The following GJC2 variants were observed in gnomAD, a reference collection of about 807,000 sequenced individuals.
GJC2 encodes the protein gap junction protein gamma 2, also known as gap junction gamma-2 protein.
For missense variants in GJC2, 647 were observed against 648.9 expected, an observed-to-expected ratio of 1.00 and a Z score of 0.03; for synonymous variants, 336 against 307.5, an observed-to-expected ratio of 1.09 and a Z score of -0.97.
intron 1 of GJC2, among the ~76,000 whole-genome samples, chr1:228,154,984 T>G (rs1453762496): frequency 6.6e-6 from 1 of 152,220 alleles, no homozygotes; most frequent in Non-Finnish European, 1.5e-5. Context: ...CATTGAGGCC[T>G]TTGCAGGCGC....
At position 228,158,352 on chromosome 1, in the gene GJC2, C is replaced by T. The variant is rs116557768; in HGVS notation, c.594C>T (p.His198=). Residue 198 remains histidine (H), a synonymous_variant, in exon 2 of 2, where the codon CAC becomes CAT. Transcript: ENST00000366714. The surrounding 1 kb of genome is among the most constrained non-coding windows in gnomAD (Gnocchi z 8.3). ...AAGTPGPTGQ[H]DGRRRIQREG... The stretch of plus-strand genomic sequence containing the variant: ...GGACCCCGGGCCCGACCGGGCAACA[C>T]GATGGGCGGAGGCGCATCCAGCGGG... The T allele has an allele frequency of 0.038, 60,193 of 1,588,150 alleles. 1,331 individuals carry two copies. The highest frequency in any genetic ancestry group is 0.044 in the Non-Finnish European group (51,206 of 1,171,398).
intron 1 of GJC2, 62 bp from the exon 2 acceptor site, chr1:228,157,678 G>A: frequency 2.1e-6 from 2 of 953,718 alleles, no homozygotes; most frequent in South Asian, 3.3e-5. Flanking sequence ...CTGGAGCCCC[G>A]GCTCTGAGCG....
Position 228,158,693 on chromosome 1 carries a change from C to T in GJC2, c.935C>T (p.Ala312Val), listed in dbSNP as rs1308645569. 1 of 1,065,542 alleles carries T rather than the reference C, an allele frequency of 9.4e-7. No individual in the cohort carries two copies. The highest frequency in any genetic ancestry group is 1.1e-6 in the Non-Finnish European group (1 of 881,214). The allele number at this position is 1,065,542 out of a possible 1,614,324, so 66.0% of individuals were successfully genotyped here. A position where few individuals can be genotyped will look rare whatever the true frequency, so the allele number is the denominator to read the frequency against. ...RGPPASAPAP[A>V]PRPPPCAFPA... ...CCCCCGGCCTCCGCCCCCGCCCCCG[C>T]GCCGCGGCCCCCGCCCTGCGCCTTC... The change falls in exon 2 of 2, where the codon GCG becomes GTG. Residue 312 changes from alanine (A) to valine (V), a missense_variant. Physicochemically the swap from Ala to Val is moderately conservative, Grantham distance 64. Coordinates refer to ENST00000366714, the MANE Select transcript of GJC2 (RefSeq NM_020435.4). This position sits in a 1 kb window ranked among gnomAD's most constrained non-coding sequence, Gnocchi z 8.3.
At chr1:228,155,191 A>T (rs141497201) in intron 1 of GJC2, among the ~76,000 whole-genome samples, 58 of 152,232 alleles carry the variant, frequency 3.8e-4, no homozygotes, top group Admixed American at 9.8e-4. Flanking sequence ...GCGCCTGTGC[A>T]TGTGTGTGTG....
Position 228,158,111 on chromosome 1 carries a change from C to CG in GJC2, c.357dup (p.Pro120AlafsTer18). ...CGGCGCCGCGCCCTCCGCCGCCGCC[C>CG]GGGGCCACGCCGCGCGCCCCGAGCG... On this transcript the variant is annotated frameshift_variant, in exon 2 of 2. Transcript: ENST00000366714. LOFTEE classifies it low-confidence loss of function (END_TRUNC). The surrounding 1 kb of genome is among the most constrained non-coding windows in gnomAD (Gnocchi z 8.3). The CG allele has an allele frequency of 2.3e-6, 3 of 1,284,168 alleles. No homozygotes were observed. The highest frequency in any genetic ancestry group is 3.0e-6 in the Non-Finnish European group (3 of 1,012,044). 79.5% of individuals were successfully genotyped at this position (1,284,168 alleles called of 1,614,324 possible). A position where few individuals can be genotyped will look rare whatever the true frequency, so the allele number is the denominator to read the frequency against.
chr1:228,155,826 G>A (rs962080661), intron 1 of GJC2, among the ~76,000 whole-genome samples: 21 of 152,222 alleles, frequency 1.4e-4, no homozygotes, highest in African/African-American at 3.6e-4. Context: ...AAGCCACTCC[G>A]CAGTCAGCCA....
At position 228,157,740 on chromosome 1, in the gene GJC2, G is replaced by GGGGGGGGGGGGGGCCC. The variant is rs1558119353; in HGVS notation, c.-19_-18insGGGGGGGGGGGGGCCC. The GGGGGGGGGGGGGGCCC allele has an allele frequency of 4.5e-6, 3 of 662,262 alleles. No individual in the cohort carries two copies. Among genetic ancestry groups the GGGGGGGGGGGGGGCCC allele is most frequent in the South Asian group, 1.7e-5 (1 of 57,382 alleles). 41.0% of individuals were successfully genotyped at this position (662,262 alleles called of 1,614,324 possible). On this transcript the variant is annotated splice_region_variant and 5_prime_UTR_variant, in exon 2 of 2. Coordinates refer to ENST00000366714, the MANE Select transcript of GJC2 (RefSeq NM_020435.4). ...GGCTGACCCCTACCCCGCCCCACAG[G>GGGGGGGGGGGGGGCCC]ACCCGCCCGCCCGCCCCTATGACCA...
chr1:228,157,847 T>C lies in GJC2; in HGVS notation c.89T>C (p.Val30Ala). ...STFVGKVWLT[V>A]LVVFRIVLTA... ...TTCGTGGGCAAGGTGTGGCTCACGGTGCTGGTGGTCTTCCGCATCGTGCTG... is the reference window on the plus strand; with the variant it reads ...TTCGTGGGCAAGGTGTGGCTCACGGCGCTGGTGGTCTTCCGCATCGTGCTG... Residue 30 changes from valine to alanine, a missense_variant, in exon 2 of 2, where the codon GTG (valine) becomes GCG (alanine). Coordinates refer to ENST00000366714, the MANE Select transcript of GJC2 (RefSeq NM_020435.4). 2 of 1,606,982 alleles carry C rather than the reference T, an allele frequency of 1.2e-6. No homozygotes were observed. Among genetic ancestry groups the C allele is most frequent in the Non-Finnish European group, 1.7e-6 (2 of 1,177,416 alleles).
rs746638420 is a variant in GJC2, at chr1:228,150,249, G to A, written c.-20+242G>A. ...TCCTTCAGGCCCAGCTGCCTTCACC[G>A]CAGGGTGGGCACCAACCGGTGGGGT... On this transcript the variant is annotated intron_variant, in intron 1 of 1. Transcript: ENST00000366714. This position sits in a 1 kb window ranked among gnomAD's most constrained non-coding sequence, Gnocchi z 4.6. Among the ~76,000 whole-genome samples, 3 of 152,152 alleles carry A rather than the reference G, an allele frequency of 2.0e-5. No homozygotes were observed. Among genetic ancestry groups the A allele is most frequent in the Non-Finnish European group, 4.4e-5 (3 of 67,992 alleles).
Position 228,159,174 on chromosome 1 carries a change from T to G in GJC2, c.*96T>G. 1 of 1,421,794 alleles carries G rather than the reference T, an allele frequency of 7.0e-7. No homozygotes were observed. The highest frequency in any genetic ancestry group is 9.7e-7 in the Non-Finnish European group (1 of 1,029,400). The allele number at this position is 1,421,794 out of a possible 1,614,324, so 88.1% of individuals were successfully genotyped here. A position where few individuals can be genotyped will look rare whatever the true frequency, so the allele number is the denominator to read the frequency against. ...TCTCCTCAGCCTTCTCCTTAGCCGG[T>G]GGCCTCAGGCAGACTCTGCCCAGAG... On this transcript the variant is annotated 3_prime_UTR_variant, in exon 2 of 2. Coordinates refer to ENST00000366714, the MANE Select transcript of GJC2 (RefSeq NM_020435.4). The surrounding 1 kb of genome is among the most constrained non-coding windows in gnomAD (Gnocchi z 4.0).
intron 1 of GJC2, among the ~76,000 whole-genome samples, chr1:228,154,467 G>A (rs1233440056): frequency 2.0e-5 from 3 of 152,156 alleles, no homozygotes; most frequent in Non-Finnish European, 4.4e-5. Context: ...TGACACCTTG[G>A]CCGCCTGGCC....
At position 228,152,283 on chromosome 1, in the gene GJC2, C is replaced by G. The variant is rs2034626072; in HGVS notation, c.-20+2276C>G. On this transcript the variant is annotated intron_variant, in intron 1 of 1. Coordinates refer to ENST00000366714, the MANE Select transcript of GJC2 (RefSeq NM_020435.4). The surrounding 1 kb of genome is among the most constrained non-coding windows in gnomAD (Gnocchi z 7.3). ...TGGCTGCCCTAAACTGCAGAAAACA[C>G]CCACCCTTCGCGGCCTGCCCTGGGA... Among the ~76,000 whole-genome samples the G allele has an allele frequency of 6.6e-6, 1 of 152,100 alleles. No homozygotes were observed.
chr1:228,157,556 T>C (rs978311189), intron 1 of GJC2, among the ~76,000 whole-genome samples, 184 bp from the exon 2 acceptor site: 2 of 152,316 alleles, frequency 1.3e-5, no homozygotes, highest in African/African-American at 4.8e-5. Context: ...GCTGGGGCCC[T>C]GCATCTGCAC....
intron 1 of GJC2, among the ~76,000 whole-genome samples, chr1:228,156,185 C>T (rs890396128): frequency 6.6e-6 from 1 of 152,104 alleles, no homozygotes; most frequent in South Asian, 2.1e-4. Context: ...CATGTGTGTG[C>T]ATATATGTGT....
chr1:228,157,695 G>T (rs2034702554), intron 1 of GJC2, 45 bp from the exon 2 acceptor site: 3 of 1,173,818 alleles, frequency 2.6e-6, no homozygotes, highest in South Asian at 2.9e-5. Flanking sequence ...AGCGCCGCGG[G>T]CTCCTAAGTG....
chr1:228,150,274 T>G lies in GJC2; in HGVS notation c.-20+267T>G, dbSNP rs991363021. On this transcript the variant is annotated intron_variant, in intron 1 of 1. Transcript: ENST00000366714. The surrounding 1 kb of genome is among the most constrained non-coding windows in gnomAD (Gnocchi z 4.6). ...GCAGGGTGGGCACCAACCGGTGGGG[T>G]CTGCTCTGGGACAGCTGGCAAGCGG... 4.0e-5 allele frequency among the ~76,000 whole-genome samples: 6 copies of G among 151,816 alleles called. No homozygotes were observed. The highest frequency in any genetic ancestry group is 1.5e-4 in the African/African-American group (6 of 41,290).
At position 228,157,752 on chromosome 1, in the gene GJC2, C is replaced by CCCCCCCCT; in HGVS notation, c.-7_-6insCCCCCCCT. On this transcript the variant is annotated 5_prime_UTR_variant, in exon 2 of 2. Coordinates refer to ENST00000366714, the MANE Select transcript of GJC2 (RefSeq NM_020435.4). ...CCCCGCCCCACAGGACCCGCCCGCC[C>CCCCCCCCT]GCCCCTATGACCAACATGAGCTGGA... is the stretch of plus-strand genomic sequence containing the variant. 1 of 441,386 alleles carries CCCCCCCCT rather than the reference C, an allele frequency of 2.3e-6. No individual in the cohort carries two copies. Among genetic ancestry groups the CCCCCCCCT allele is most frequent in the Non-Finnish European group, 4.5e-6 (1 of 219,896 alleles). 27.3% of individuals were successfully genotyped at this position (441,386 alleles called of 1,614,324 possible). A position where few individuals can be genotyped will look rare whatever the true frequency, so the allele number is the denominator to read the frequency against.
intron 1 of GJC2, among the ~76,000 whole-genome samples, chr1:228,156,493 A>ATG (rs1344960764): frequency 6.6e-6 from 1 of 152,196 alleles, no homozygotes; most frequent in Admixed American, 6.5e-5. Flanking sequence ...GCACATGTGA[A>ATG]TGTGTGTGGC....
In GJC2 at chr1:228,150,202, GC is replaced by G. The variant is rs1049438221; in HGVS notation, c.-20+202del. Among the ~76,000 whole-genome samples, 6 of 152,092 alleles carry G rather than the reference GC, an allele frequency of 3.9e-5. No individual in the cohort carries two copies. The highest frequency in any genetic ancestry group is 1.9e-4 in the East Asian group (1 of 5,178). ...GCTGCTCCACGCAGATGGTGGGGTG[GC>G]CCCCCCACTCCATGTCTGTGTCCTT... On this transcript the variant is annotated intron_variant, in intron 1 of 1. Transcript: ENST00000366714. This position sits in a 1 kb window ranked among gnomAD's most constrained non-coding sequence, Gnocchi z 4.6.
Sources: allele counts gnomAD v4.1 joint callset (sites outside exome capture counted in the v4.1 genomes callset), GRCh38; gene constraint gnomAD v4.1.1; non-coding constraint Gnocchi (gnomAD v3.1); transcripts MANE v1.5; gene names NCBI Gene and HGNC (gene_info 2026-07-23, HGNC 2026-07-21).